Variants in RTKN observed in about 807,000 individuals in gnomAD.
RTKN encodes the protein rhotekin.
Under a neutral mutation model 63.5 loss-of-function variants are expected in RTKN, and 49 were observed. The observed-to-expected ratio is 0.77, with a 90% CI of 0.61 to 0.98. The LOEUF is 0.98. Ranked by LOEUF, RTKN falls within the 50% of genes least tolerant of loss-of-function variation. The probability of loss-of-function intolerance (pLI) is 0.00; values close to 1 mark genes in which losing one functional copy is unlikely to be tolerated. For missense variants in RTKN, 685 were observed against 740.8 expected (o/e 0.92, Z 0.87); for synonymous variants, 295 against 290.4 (o/e 1.02, Z -0.16).
chr2:74,427,648 G>A, intron 9 of RTKN, 56 bp from the exon 10 acceptor site: 2 of 1,569,492 alleles, frequency 1.3e-6, no homozygotes, highest in Non-Finnish European at 1.7e-6. Context: ...TGACAATCAG[G>A]CAGCCTTGAT....
chr2:74,439,899 C>A, intron 1 of RTKN: 1 of 1,273,288 alleles, frequency 7.9e-7, no homozygotes. Context: ...AAGTGGGGTC[C>A]CAGGAGGAAA....
chr2:74,428,119 A>C, intron 9 of RTKN, 149 bp downstream of exon 9: 1 of 957,800 alleles, frequency 1.0e-6, no homozygotes, highest in South Asian at 1.6e-5. Context: ...AGTTGGGGAA[A>C]ATACGGGCCC....
At chr2:74,427,823 G>A in intron 9 of RTKN, 2 of 553,558 alleles carry the variant, frequency 3.6e-6, no homozygotes, top group South Asian at 4.8e-5. Flanking sequence ...AAGGGATTGA[G>A]CAAGGCAGGG....
Position 74,430,650 on chromosome 2 carries a change from C to T in RTKN, c.339G>A (p.Glu113=), listed in dbSNP as rs745699305. The T allele has an allele frequency of 2.5e-6, 4 of 1,613,266 alleles. No individual in the cohort carries two copies. Among genetic ancestry groups the T allele is most frequent in the Middle Eastern group, 1.8e-4 (1 of 5,652 alleles). ...AGACCCGGCCGCGGCAGGGGGAGCGCTCAGCGGGCGGGCCACTGTCAGAAG... is the reference window on the plus strand; with the variant it reads ...AGACCCGGCCGCGGCAGGGGGAGCGTTCAGCGGGCGGGCCACTGTCAGAAG... ...RRPSDSGPPA[E]RSPCRGRVCI... The change falls in exon 3 of 12, where the codon GAG becomes GAA. Residue 113 remains glutamate (E), a synonymous_variant. Coordinates refer to ENST00000272430, the MANE Select transcript of RTKN (RefSeq NM_001015055.2).
Position 74,427,276 on chromosome 2 carries a change from G to A in RTKN, c.1256-3C>T. The A allele has an allele frequency of 6.2e-7, 1 of 1,613,914 alleles. No individual in the cohort carries two copies. The highest frequency in any genetic ancestry group is 8.5e-7 in the Non-Finnish European group (1 of 1,179,790). ...ATCACAGCACTGCTTCCATTGGCCT[G>A]GAAGAAGAGCGCTGATTAAAAGAGA... On this transcript the variant is annotated splice_polypyrimidine_tract_variant and splice_region_variant and intron_variant, in intron 10 of 11. Transcript: ENST00000272430.
Position 74,428,815 on chromosome 2 carries a change from A to T in RTKN, c.850+33T>A, listed in dbSNP as rs1457690131. The stretch of plus-strand genomic sequence containing the variant: ...CCACAGCCCCTCTTCTCACCATCAC[A>T]TGTGTATGTCCCCCATGCACACACA... On this transcript the variant is annotated intron_variant, in intron 7 of 11. Coordinates refer to ENST00000272430, the MANE Select transcript of RTKN (RefSeq NM_001015055.2). 10 of 1,604,936 alleles carry T rather than the reference A, an allele frequency of 6.2e-6. No individual in the cohort carries two copies. In the African/African-American group the frequency reaches 1.3e-4, roughly 21 times the overall value.
Position 74,432,476 on chromosome 2 carries a change from G to C in RTKN, c.302C>G (p.Thr101Arg). The C allele has an allele frequency of 6.2e-7, 1 of 1,609,676 alleles. No homozygotes were observed. Among genetic ancestry groups the C allele is most frequent in the Non-Finnish European group, 8.5e-7 (1 of 1,179,950 alleles). Reference sequence around the variant, plus strand: ...TCTCCCCCTTGCTCACCGCCGGCTTGTCTTCCCCAGCACCTGCGCCTCCTT... The same window carrying C: ...TCTCCCCCTTGCTCACCGCCGGCTTCTCTTCCCCAGCACCTGCGCCTCCTT... ...RRKEAQVLGK[T>R]SRRPSDSGPP... Residue 101 changes from threonine to arginine, a missense_variant, in exon 2 of 12, where the codon ACA becomes AGA. Physicochemically the swap from Thr to Arg is moderately conservative, Grantham distance 71. Transcript: ENST00000272430.
Position 74,426,489 on chromosome 2 carries a change from C to A in RTKN, c.1446G>T (p.Trp482Cys). The change falls in exon 12 of 12, where the codon TGG (tryptophan) becomes TGT (cysteine). Residue 482 changes from tryptophan (W) to cysteine (C), a missense_variant. Trp to Cys is a radical substitution (Grantham distance 215). Transcript: ENST00000272430. ...EGARLETPPPWLAMFTDQPAL... is the reference protein window; with the variant it reads ...EGARLETPPPCLAMFTDQPAL... ...CAGGCTGGTCTGTAAACATTGCCAG[C>A]CAGGGTGGGGGTGTCTCCAGCCTTG... The A allele has an allele frequency of 6.3e-7, 1 of 1,598,988 alleles. No homozygotes were observed. The highest frequency in any genetic ancestry group is 8.5e-7 in the Non-Finnish European group (1 of 1,170,752).
In RTKN at chr2:74,432,661, C is replaced by T. The variant is rs1470598213; in HGVS notation, c.117G>A (p.Thr39=). 1.9e-6 allele frequency: 3 copies of T among 1,614,136 alleles called. No individual in the cohort carries two copies. Among genetic ancestry groups the T allele is most frequent in the South Asian group, 1.1e-5 (1 of 91,086 alleles). ...CATGGTCTAGCTTCCTCTGCAACTC[C>T]GTGTCCTAGCCAGGGTTGGGGGAAG... ...LSLFSDLPED[T]ELQRKLDHEI... is the part of the protein sequence containing the mutation. The change falls in exon 2 of 12, where the codon ACG becomes ACA. Residue 39 remains threonine, a synonymous_variant. Transcript: ENST00000272430.
rs956821048 is a variant in RTKN at position 74,432,128 on chromosome 2, C to T, written c.311+339G>A. On this transcript the variant is annotated intron_variant, in intron 2 of 11. Coordinates refer to ENST00000272430, the MANE Select transcript of RTKN (RefSeq NM_001015055.2). ...GTAAATTGGTGATTTTGTGAACCAGCGTTGAGGAAATTAATTTTCCAAAAG... is the reference window on the plus strand; with the variant it reads ...GTAAATTGGTGATTTTGTGAACCAGTGTTGAGGAAATTAATTTTCCAAAAG... 18 of 425,666 alleles carry T rather than the reference C, an allele frequency of 4.2e-5. No individual in the cohort carries two copies. In the East Asian group the frequency reaches 9.7e-4, roughly 23 times the overall value. 26.4% of individuals were successfully genotyped at this position (425,666 alleles called of 1,614,324 possible).
At chr2:74,430,843 C>T (rs1670708931) in intron 2 of RTKN, 166 bp from the exon 3 acceptor site, 1 of 658,520 alleles carries the variant, frequency 1.5e-6, no homozygotes, top group South Asian at 2.0e-5. Flanking sequence ...GTTCATTGAA[C>T]CCAGCAGTTT....
Position 74,426,361 on chromosome 2 carries a change from G to A in RTKN, c.1574C>T (p.Pro525Leu), listed in dbSNP as rs371000539. Reference protein sequence around the residue: ...RPRTFSLDAVPPDHSPRARSV... With the variant: ...RPRTFSLDAVLPDHSPRARSV... Reference sequence around the variant, plus strand: ...GCGAGCCCTAGGGGAGTGGTCTGGGGGGACAGCATCCAGGGAAAAGGTTCG... The same window carrying A: ...GCGAGCCCTAGGGGAGTGGTCTGGGAGGACAGCATCCAGGGAAAAGGTTCG... The change falls in exon 12 of 12, where the codon CCC becomes CTC. Residue 525 changes from proline to leucine, a missense_variant. Pro to Leu is a moderately conservative substitution (Grantham distance 98). Coordinates refer to ENST00000272430, the MANE Select transcript of RTKN (RefSeq NM_001015055.2). 3 of 1,611,952 alleles carry A rather than the reference G, an allele frequency of 1.9e-6. No homozygotes were observed. The highest frequency in any genetic ancestry group is 2.5e-6 in the Non-Finnish European group (3 of 1,178,732).
intron 6 of RTKN, among the ~76,000 whole-genome samples, 185 bp downstream of exon 6, chr2:74,429,643 G>A (rs529429292): frequency 1.1e-4 from 17 of 152,326 alleles, no homozygotes; most frequent in Admixed American, 4.6e-4. Context: ...CTTCTGGACT[G>A]GCTTCAGCCC....
At chr2:74,439,926 G>A (rs1368245833) in intron 1 of RTKN, 4 of 1,221,678 alleles carry the variant, frequency 3.3e-6, no homozygotes, top group Non-Finnish European at 4.1e-6. Flanking sequence ...CTGCAGAGGG[G>A]GCTCTAGGCA....
At chr2:74,430,410 GC>G in intron 4 of RTKN, 41 bp from the exon 5 acceptor site, 1 of 1,612,632 alleles carries the variant, frequency 6.2e-7, no homozygotes, top group African/African-American at 1.3e-5. Flanking sequence ...TCCCACGAGA[GC>G]CTCCTACTTC....
At chr2:74,432,323 A>C in intron 2 of RTKN, 144 bp downstream of exon 2, 1 of 846,374 alleles carries the variant, frequency 1.2e-6, no homozygotes, top group Non-Finnish European at 2.0e-6. Context: ...GTGGTAAAAC[A>C]CCAAGGTCTC....
At chr2:74,429,062 C>T in intron 6 of RTKN, 120 bp from the exon 7 acceptor site, 1 of 746,974 alleles carries the variant, frequency 1.3e-6, no homozygotes, top group South Asian at 1.6e-5. Context: ...CGCTTGCCTC[C>T]CCAGAGGGTT....
chr2:74,440,602 C>T (rs914864811), intron 1 of RTKN: 2 of 980,738 alleles, frequency 2.0e-6, no homozygotes, highest in Non-Finnish European at 2.4e-6. Context: ...GGGCTAATCC[C>T]AGGGGCGGCC....
At chr2:74,431,115 T>A (rs963258846) in intron 2 of RTKN, among the ~76,000 whole-genome samples, 37 of 151,742 alleles carry the variant, frequency 2.4e-4, no homozygotes. Flanking sequence ...CACCATCCCA[T>A]CACTTCTTTG....
Sources: allele counts gnomAD v4.1 joint callset (sites outside exome capture counted in the v4.1 genomes callset), GRCh38; gene constraint gnomAD v4.1.1; transcripts MANE v1.5; gene names NCBI Gene and HGNC (gene_info 2026-07-23, HGNC 2026-07-21).